The following CRYL1 variants were observed in gnomAD, a reference collection of about 807,000 sequenced individuals.
CRYL1 encodes the protein crystallin lambda 1, also known as lambda-crystallin homolog.
In CRYL1, 29 loss-of-function variants were observed where a neutral mutation model predicts 36.6. That is an observed-to-expected ratio of 0.79 (90% CI 0.59 to 1.08). The LOEUF (loss-of-function observed/expected upper bound fraction) is 1.08. Among genes scored for constraint, CRYL1 ranks in the 50% least tolerant of loss-of-function variants. CRYL1 has a pLI of 0.00. For synonymous variants in CRYL1, 152 were observed against 151.5 expected (o/e 1.00, Z -0.02); for missense variants, 411 against 407.9 (o/e 1.01, Z -0.06).
At chr13:20,450,469 C>T (rs1220698167) in intron 3 of CRYL1, among the ~76,000 whole-genome samples, 1 of 151,856 alleles carries the variant, frequency 6.6e-6, no homozygotes, top group Non-Finnish European at 1.5e-5. Flanking sequence ...AAATATAAGA[C>T]ATAAAACTAT....
At chr13:20,456,679 C>CACA (rs1565970236) in intron 3 of CRYL1, among the ~76,000 whole-genome samples, 2 of 108,828 alleles carry the variant, frequency 1.8e-5, no homozygotes, top group Non-Finnish European at 4.2e-5. Context: ...ACACACACAC[C>CACA]CCAGAATGCC....
rs1052320847 is a variant in CRYL1 at position 20,425,468 on chromosome 13, C to T, written c.633+6634G>A. On this transcript the variant is annotated intron_variant, in intron 5 of 7. Transcript: ENST00000298248. The surrounding 1 kb of genome is among the most constrained non-coding windows in gnomAD (Gnocchi z 4.4). ...GAAACGGCAGAGCCTCACCGGACTG[C>T]CAGAAAAGGACAGGCCACGCAGGCA... Among the ~76,000 whole-genome samples, 5 of 152,172 alleles carry T rather than the reference C, an allele frequency of 3.3e-5. No individual in the cohort carries two copies. The highest frequency in any genetic ancestry group is 7.3e-5 in the Non-Finnish European group (5 of 68,034).
intron 3 of CRYL1, among the ~76,000 whole-genome samples, chr13:20,483,732 G>T (rs374316599): frequency 7.2e-5 from 11 of 152,024 alleles, no homozygotes; most frequent in East Asian, 3.9e-4. Context: ...GTAGAGACGG[G>T]GTTTCACCAT....
intron 3 of CRYL1, among the ~76,000 whole-genome samples, chr13:20,464,265 G>C (rs572785517): frequency 6.6e-6 from 1 of 152,230 alleles, no homozygotes; most frequent in Admixed American, 6.5e-5. Flanking sequence ...ATGGTGGCAC[G>C]TGCCTGTAGT....
Position 20,413,355 on chromosome 13 carries a change from A to C in CRYL1, c.666T>G (p.Leu222=), listed in dbSNP as rs1186330456. The part of the protein sequence containing the change: ...EGIVSPSDLD[L]VMSEGLGMRY... The stretch of plus-strand genomic sequence containing the variant: ...GCATGCCCAACCCTTCTGACATGAC[A>C]AGGTCCAGGTCACTAGGAGACACGA... The change falls in exon 6 of 8, where the codon CTT becomes CTG. Residue 222 remains leucine (L), a synonymous_variant. Transcript: ENST00000298248. The C allele has an allele frequency of 6.2e-7, 1 of 1,613,774 alleles. No homozygotes were observed. Among genetic ancestry groups the C allele is most frequent in the South Asian group, 1.1e-5 (1 of 91,064 alleles).
chr13:20,436,984 T>C (rs1221520184), intron 4 of CRYL1, among the ~76,000 whole-genome samples: 1 of 151,998 alleles, frequency 6.6e-6, no homozygotes, highest in Non-Finnish European at 1.5e-5. Flanking sequence ...TCCAGTCCCC[T>C]AGAGGTCCCG....
At chr13:20,515,424 A>G (rs943607641) in intron 1 of CRYL1, among the ~76,000 whole-genome samples, 3 of 152,176 alleles carry the variant, frequency 2.0e-5, no homozygotes, top group African/African-American at 7.2e-5. Context: ...TTAAATTTTC[A>G]TAAGAGTGGA....
intron 2 of CRYL1, among the ~76,000 whole-genome samples, chr13:20,507,951 C>G (rs1593496293): frequency 6.6e-6 from 1 of 151,534 alleles, no homozygotes; most frequent in African/African-American, 2.4e-5. Context: ...AAAAAAAAGT[C>G]CATGCCTGGC....
intron 5 of CRYL1, among the ~76,000 whole-genome samples, chr13:20,422,926 T>C (rs2031853039): frequency 1.3e-5 from 2 of 152,232 alleles, no homozygotes; most frequent in African/African-American, 4.8e-5. Context: ...GAACACAGAA[T>C]GTCCTTCCAT....
At chr13:20,434,272 G>T (rs935674443) in intron 4 of CRYL1, among the ~76,000 whole-genome samples, 2 of 152,132 alleles carry the variant, frequency 1.3e-5, no homozygotes, top group Non-Finnish European at 2.9e-5. Context: ...TCTTACAAAA[G>T]GATTGTAAAA....
At chr13:20,484,185 A>G (rs1045935758) in intron 3 of CRYL1, among the ~76,000 whole-genome samples, 3 of 152,244 alleles carry the variant, frequency 2.0e-5, no homozygotes, top group African/African-American at 7.2e-5. Context: ...ATTTTTCTAC[A>G]CTGAGAACCT....
At chr13:20,437,012 G>A (rs146450680) in intron 4 of CRYL1, among the ~76,000 whole-genome samples, 171 of 152,188 alleles carry the variant, frequency 1.1e-3, no homozygotes, top group African/African-American at 3.7e-3. Flanking sequence ...AGCAAGAGGT[G>A]GGGCCAGGTG....
At chr13:20,472,587 C>T (rs964891170) in intron 3 of CRYL1, among the ~76,000 whole-genome samples, 4 of 152,192 alleles carry the variant, frequency 2.6e-5, no homozygotes, top group Non-Finnish European at 4.4e-5. Context: ...GCCCTCCTAA[C>T]GTACGGGCAA....
At chr13:20,431,815 T>A in intron 5 of CRYL1, 7 of 1,348,688 alleles carry the variant, frequency 5.2e-6, no homozygotes, top group Non-Finnish European at 6.7e-6. Context: ...GGTTATTATG[T>A]CTAATGCTAT....
At chr13:20,490,988 C>G (rs1465219964) in intron 2 of CRYL1, among the ~76,000 whole-genome samples, 4 of 152,318 alleles carry the variant, frequency 2.6e-5, no homozygotes, top group Non-Finnish European at 4.4e-5. Flanking sequence ...TCGCCATAGC[C>G]TCGACCTCCC....
At chr13:20,414,160 G>A (rs868624925) in intron 5 of CRYL1, among the ~76,000 whole-genome samples, 1 of 151,858 alleles carries the variant, frequency 6.6e-6, no homozygotes, top group Non-Finnish European at 1.5e-5. Context: ...GGGCATCAGA[G>A]CAAGACTCTG....
chr13:20,456,637 C>CACACA (rs72511414), intron 3 of CRYL1, among the ~76,000 whole-genome samples: 2 of 32,274 alleles, frequency 6.2e-5, no homozygotes, highest in East Asian at 9.1e-4. Flanking sequence ...CACACACACA[C>CACACA]AAAGACCACG....
rs557396286 is a variant in CRYL1 at position 20,431,910 on chromosome 13, G to A, written c.633+192C>T. On this transcript the variant is annotated intron_variant, in intron 5 of 7. Coordinates refer to ENST00000298248, the MANE Select transcript of CRYL1 (RefSeq NM_015974.3). ...GAACCTCTCAGGCAGACAGTGAATC[G>A]CTGCATTTTATTTTGGTTCTAAAGC... 52 of 1,522,242 alleles carry A rather than the reference G, an allele frequency of 3.4e-5. No homozygotes were observed. In the African/African-American group the frequency reaches 6.0e-4, roughly 18 times the overall value. 94.3% of individuals were successfully genotyped at this position (1,522,242 alleles called of 1,614,324 possible).
Position 20,439,746 on chromosome 13 carries a change from A to C in CRYL1, c.285T>G (p.Val95=). 1 of 1,614,086 alleles carries C rather than the reference A, an allele frequency of 6.2e-7. No individual in the cohort carries two copies. Among genetic ancestry groups the C allele is most frequent in the Non-Finnish European group, 8.5e-7 (1 of 1,179,954 alleles). Reference sequence around the variant, plus strand: ...TCTTCTTCAGTTCTAGATCTTCTGGAACACATTCCTGAAAAGGACACGTTT... The same window carrying C: ...TCTTCTTCAGTTCTAGATCTTCTGGCACACATTCCTGAAAAGGACACGTTT... The part of the protein sequence containing the change: ...VEGAMHIQEC[V]PEDLELKKKI... The change falls in exon 4 of 8, where the codon GTT becomes GTG. Residue 95 remains valine (V), a synonymous_variant. Coordinates refer to ENST00000298248, the MANE Select transcript of CRYL1 (RefSeq NM_015974.3).
Sources: gnomAD v4.1 joint callset for allele counts (sites outside exome capture counted in the v4.1 genomes callset) on GRCh38, gnomAD v4.1.1 for gene constraint, Gnocchi (gnomAD v3.1) non-coding constraint, MANE v1.5 for transcripts, NCBI Gene and HGNC (gene_info 2026-07-23, HGNC 2026-07-21) for gene names.